Variants in KCNK10 observed in about 807,000 individuals in gnomAD.
KCNK10 encodes the protein potassium two pore domain channel subfamily K member 10.
Under a neutral mutation model 47.7 loss-of-function variants are expected in KCNK10, and 25 were observed. That is an observed-to-expected ratio of 0.52 (90% CI 0.38 to 0.73). KCNK10 has a LOEUF of 0.73. Ranked by LOEUF, KCNK10 falls within the 30% of genes least tolerant of loss-of-function variation. The probability of loss-of-function intolerance (pLI) is 0.00; values close to 1 mark genes in which losing one functional copy is unlikely to be tolerated. For missense variants in KCNK10, 563 were observed against 714.5 expected (o/e 0.79, Z 2.42); for synonymous variants, 303 against 285.6 (o/e 1.06, Z -0.61).
At chr14:88,210,034 C>T (rs1484208819) in intron 4 of KCNK10, among the ~76,000 whole-genome samples, 2 of 152,222 alleles carry the variant, frequency 1.3e-5, no homozygotes, top group Admixed American at 1.3e-4. Flanking sequence ...CCTCTCTGGG[C>T]TCCCATAGCT....
intron 4 of KCNK10, among the ~76,000 whole-genome samples, chr14:88,209,425 CGAA>C (rs1456623971): frequency 1.3e-5 from 2 of 152,238 alleles, no homozygotes; most frequent in African/African-American, 4.8e-5. Flanking sequence ...TGGCCGACGA[CGAA>C]GAAGACAACC....
At chr14:88,233,127 C>T (rs1233720042) in intron 3 of KCNK10, among the ~76,000 whole-genome samples, 7 of 152,162 alleles carry the variant, frequency 4.6e-5, no homozygotes, top group Admixed American at 1.3e-4. Context: ...AACGCACACT[C>T]GCTTAAACAA....
At chr14:88,265,998 C>T (rs1040181402) in intron 1 of KCNK10, among the ~76,000 whole-genome samples, 1 of 152,142 alleles carries the variant, frequency 6.6e-6, no homozygotes, top group Admixed American at 6.5e-5. Flanking sequence ...CAGACTAATA[C>T]ATCTCCCTTG....
intron 5 of KCNK10, among the ~76,000 whole-genome samples, chr14:88,190,624 T>A (rs534759362): frequency 4.1e-4 from 63 of 152,080 alleles, no homozygotes; most frequent in Non-Finnish European, 5.3e-4. Context: ...TAAAAATCAA[T>A]TTTTAGTTAA....
intron 1 of KCNK10, among the ~76,000 whole-genome samples, chr14:88,285,106 G>GTGTT (rs374565637): frequency 1.4e-4 from 21 of 152,182 alleles, no homozygotes; most frequent in East Asian, 1.9e-4. Flanking sequence ...GTTTTAAATA[G>GTGTT]TGTTTGTTTG....
chr14:88,282,433 T>C (rs940430203), intron 1 of KCNK10, among the ~76,000 whole-genome samples: 1 of 152,262 alleles, frequency 6.6e-6, no homozygotes, highest in Non-Finnish European at 1.5e-5. Flanking sequence ...TTGATGCTAA[T>C]AGTCCTTTGA....
intron 3 of KCNK10, among the ~76,000 whole-genome samples, chr14:88,233,058 A>G (rs543908677): frequency 6.6e-6 from 1 of 152,342 alleles, no homozygotes; most frequent in Non-Finnish European, 1.5e-5. Flanking sequence ...CTGGCCCTGC[A>G]TGAGCTCTGA....
chr14:88,296,306 T>C (rs994520699), intron 1 of KCNK10, among the ~76,000 whole-genome samples: 6 of 152,152 alleles, frequency 3.9e-5, no homozygotes, highest in Non-Finnish European at 1.5e-5. Context: ...TTGGACAAGT[T>C]TTTTACCCTC....
chr14:88,324,301 G>T (rs1888618105), upstream of KCNK10, among the ~76,000 whole-genome samples: 2 of 152,224 alleles, frequency 1.3e-5, no homozygotes, highest in Admixed American at 1.3e-4. Context: ...AGAAAAGCCA[G>T]GTGGTGCTGA....
At chr14:88,209,804 T>C (rs552389553) in intron 4 of KCNK10, among the ~76,000 whole-genome samples, 32 of 152,336 alleles carry the variant, frequency 2.1e-4, no homozygotes, top group African/African-American at 7.2e-4. Context: ...AAGACCTGGT[T>C]CGTGTCTCTC....
At chr14:88,214,327 C>G (rs1360105814) in intron 4 of KCNK10, among the ~76,000 whole-genome samples, 1 of 152,142 alleles carries the variant, frequency 6.6e-6, no homozygotes, top group African/African-American at 2.4e-5. Flanking sequence ...ACAAGGCCAG[C>G]TATCTCAGGG....
chr14:88,247,281 G>A (rs1049988686), intron 2 of KCNK10, among the ~76,000 whole-genome samples: 2 of 152,078 alleles, frequency 1.3e-5, no homozygotes, highest in Non-Finnish European at 2.9e-5. Context: ...GCAGGCTGAC[G>A]CACGTGTGCC....
At chr14:88,324,221 A>G (rs1036562294), upstream of KCNK10, among the ~76,000 whole-genome samples, 2 of 152,250 alleles carry the variant, frequency 1.3e-5, no homozygotes, top group African/African-American at 4.8e-5. Flanking sequence ...AACCTGGAGC[A>G]TTCGTCTAAC....
At chr14:88,283,867 T>C (rs545510585) in intron 1 of KCNK10, among the ~76,000 whole-genome samples, 2 of 152,176 alleles carry the variant, frequency 1.3e-5, no homozygotes, top group East Asian at 1.9e-4. Context: ...TGAGCTGAGA[T>C]TGCACCACCA....
At chr14:88,209,468 G>C (rs980797150) in intron 4 of KCNK10, among the ~76,000 whole-genome samples, 1 of 152,232 alleles carries the variant, frequency 6.6e-6, no homozygotes, top group Non-Finnish European at 1.5e-5. Flanking sequence ...GAATGGCAAC[G>C]GCATCCCCTG....
At chr14:88,205,546 T>C (rs929538068) in intron 4 of KCNK10, among the ~76,000 whole-genome samples, 2 of 138,998 alleles carry the variant, frequency 1.4e-5, no homozygotes, top group African/African-American at 2.7e-5. Flanking sequence ...TCTTTTCTTT[T>C]TTTTTTTTTT....
At chr14:88,234,479 C>T (rs1018696964) in intron 3 of KCNK10, among the ~76,000 whole-genome samples, 2 of 152,158 alleles carry the variant, frequency 1.3e-5, no homozygotes, top group Non-Finnish European at 2.9e-5. Flanking sequence ...AAGCAAAAAC[C>T]TGTGCCGCTA....
chr14:88,256,252 T>C (rs1248387093), intron 2 of KCNK10, among the ~76,000 whole-genome samples: 1 of 152,158 alleles, frequency 6.6e-6, no homozygotes, highest in African/African-American at 2.4e-5. Context: ...ACATACCTCA[T>C]TAGGGTTTAA....
chr14:88,261,945 A>C lies in KCNK10; in HGVS notation c.402+1257T>G, dbSNP rs185383803. 2.3e-3 allele frequency among the ~76,000 whole-genome samples: 345 copies of C among 152,346 alleles called. 8 individuals carry two copies. Among genetic ancestry groups the C allele is most frequent in the Admixed American group, 0.018 (279 of 15,298 alleles). ...GAATTTGTATTTCTATTTATTTAAG[A>C]GTCAAGTCATTATTAAAACTAACTG... is the stretch of plus-strand genomic sequence containing the variant. On this transcript the variant is annotated intron_variant, in intron 2 of 6. Transcript: ENST00000319231.
Sources: gnomAD v4.1 joint callset for allele counts (sites outside exome capture counted in the v4.1 genomes callset) on GRCh38, gnomAD v4.1.1 for gene constraint, MANE v1.5 for transcripts, NCBI Gene and HGNC (gene_info 2026-07-23, HGNC 2026-07-21) for gene names.